The following GCA variants were observed in gnomAD, a reference collection of about 807,000 sequenced individuals.
GCA encodes grancalcin, EF-hand calcium-binding protein.
In GCA, 30 loss-of-function variants were observed where a neutral mutation model predicts 32.6. The ratio of observed to expected loss-of-function variants is 0.92; its 90% CI spans 0.69 to 1.25. The LOEUF (loss-of-function observed/expected upper bound fraction) is 1.25, where lower values mean the gene tolerates loss of function less well. GCA is among the 50% of genes most tolerant of loss of function. The pLI, the probability that GCA is intolerant of heterozygous loss-of-function variation, is 0.00. For synonymous variants in GCA, 102 were observed against 84.6 expected (o/e 1.21, Z -1.13); for missense variants, 291 against 266.8 (o/e 1.09, Z -0.63).
At chr2:162,329,995 G>T (rs1421547773) in intron 1 of GCA, among the ~76,000 whole-genome samples, 2 of 152,118 alleles carry the variant, frequency 1.3e-5, no homozygotes, top group African/African-American at 4.8e-5. Flanking sequence ...CCGTGCACAG[G>T]ATATGATCTC....
intron 1 of GCA, chr2:162,319,347 A>G (rs1683584762): frequency 2.5e-6 from 1 of 407,956 alleles, no homozygotes; most frequent in South Asian, 1.7e-5. Context: ...TGAACCACCA[A>G]CTCAGCTTAG....
intron 1 of GCA, 41 bp downstream of exon 1, chr2:162,344,316 G>A: frequency 6.2e-7 from 1 of 1,604,898 alleles, no homozygotes; most frequent in Non-Finnish European, 8.5e-7. Flanking sequence ...TTCCTCGCGG[G>A]GTGTGGCGCC....
At chr2:162,345,375 T>C (rs1684647300) in intron 1 of GCA, among the ~76,000 whole-genome samples, 1 of 152,206 alleles carries the variant, frequency 6.6e-6, no homozygotes, top group Admixed American at 6.5e-5. Context: ...CCTGTGGGTC[T>C]TTAAAAACGT....
rs767630618 is a variant in GCA at position 162,359,079 on chromosome 2, G to A, written c.490G>A (p.Val164Ile). ...RLSPQTLTTIVKRYSKNGRIF... is the reference protein window; with the variant it reads ...RLSPQTLTTIIKRYSKNGRIF... Reference sequence around the variant, plus strand: ...GAGTCCTCAAACATTAACTACTATTGTTAAACGTTATAGCAAGAATGGCAG... The same window carrying A: ...GAGTCCTCAAACATTAACTACTATTATTAAACGTTATAGCAAGAATGGCAG... The change falls in exon 6 of 8, where the codon GTT (valine) becomes ATT (isoleucine). Residue 164 changes from valine to isoleucine, a missense_variant. By Grantham distance (29) the Val-to-Ile change is conservative. Transcript: ENST00000437150. 1.9e-6 allele frequency: 3 copies of A among 1,600,614 alleles called. No individual in the cohort carries two copies. Among genetic ancestry groups the A allele is most frequent in the Non-Finnish European group, 2.6e-6 (3 of 1,169,700 alleles).
intron 1 of GCA, among the ~76,000 whole-genome samples, chr2:162,346,998 A>G (rs77933307): frequency 6.2e-4 from 95 of 152,332 alleles, no homozygotes; most frequent in Middle Eastern, 3.4e-3. Context: ...TCAGGATACT[A>G]CCAGAACCAC....
At chr2:162,367,451 G>C (rs143165243), downstream of GCA, among the ~76,000 whole-genome samples, 170 of 152,072 alleles carry the variant, frequency 1.1e-3, no homozygotes, top group African/African-American at 3.8e-3. Context: ...CAGTGAGCCA[G>C]CCTTTATAGA....
downstream of GCA, among the ~76,000 whole-genome samples, chr2:162,374,773 A>G (rs963993830): frequency 1.3e-5 from 2 of 152,094 alleles, no homozygotes; most frequent in Non-Finnish European, 2.9e-5. Flanking sequence ...TCACAATAAC[A>G]CATTATTCTT....
intron 1 of GCA, among the ~76,000 whole-genome samples, chr2:162,331,745 T>A (rs1239483491): frequency 1.3e-5 from 2 of 152,204 alleles, no homozygotes; most frequent in Admixed American, 1.3e-4. Context: ...TCAGGTATTT[T>A]GTTGTAGCAG....
At chr2:162,321,612 T>C (rs920583903) in intron 1 of GCA, among the ~76,000 whole-genome samples, 1 of 152,066 alleles carries the variant, frequency 6.6e-6, no homozygotes, top group Non-Finnish European at 1.5e-5. Context: ...GACTCTGAGT[T>C]CAGGCTGTCT....
At chr2:162,357,423 T>C (rs1420826606) in intron 5 of GCA, among the ~76,000 whole-genome samples, 1 of 151,860 alleles carries the variant, frequency 6.6e-6, no homozygotes, top group Non-Finnish European at 1.5e-5. Context: ...CTGATGTTCC[T>C]AGTGTACTTT....
chr2:162,351,553 G>A (rs1685002294), intron 2 of GCA, among the ~76,000 whole-genome samples: 1 of 152,150 alleles, frequency 6.6e-6, no homozygotes, highest in Non-Finnish European at 1.5e-5. Context: ...TAGAATGTGA[G>A]TGTTAATAAT....
intron 1 of GCA, among the ~76,000 whole-genome samples, chr2:162,345,862 TAAAGG>T (rs1405996141): frequency 6.6e-6 from 1 of 152,166 alleles, no homozygotes; most frequent in East Asian, 1.9e-4. Flanking sequence ...TAAATCCTGT[TAAAGG>T]AAACCCATGC....
intron 2 of GCA, among the ~76,000 whole-genome samples, chr2:162,352,061 T>G (rs1056047399): frequency 6.6e-6 from 1 of 152,182 alleles, no homozygotes; most frequent in Non-Finnish European, 1.5e-5. Context: ...TCTAACTGTT[T>G]AAAATAGAAG....
At chr2:162,321,611 T>C (rs1343491681) in intron 1 of GCA, among the ~76,000 whole-genome samples, 1 of 152,008 alleles carries the variant, frequency 6.6e-6, no homozygotes, top group Non-Finnish European at 1.5e-5. Context: ...AGACTCTGAG[T>C]TCAGGCTGTC....
At chr2:162,332,531 T>C (rs1684132805) in intron 1 of GCA, among the ~76,000 whole-genome samples, 1 of 151,890 alleles carries the variant, frequency 6.6e-6, no homozygotes, top group Admixed American at 6.6e-5. Context: ...AAGTAACAAG[T>C]GCAGGAAATC....
chr2:162,360,706 C>T lies in GCA; in HGVS notation c.*463C>T. 1 of 1,358,524 alleles carries T rather than the reference C, an allele frequency of 7.4e-7. No homozygotes were observed. The allele number at this position is 1,358,524 out of a possible 1,614,324, so 84.2% of individuals were successfully genotyped here. On this transcript the variant is annotated 3_prime_UTR_variant, in exon 8 of 8. Transcript: ENST00000437150. ...AGAAATGAAAGCCTGGATTTTGTGC[C>T]ATGTTTGTAATATAGTTTGTTCCTT...
In GCA at chr2:162,352,758, A is replaced by T. The variant is rs1214877577; in HGVS notation, c.262+351A>T. Among the ~76,000 whole-genome samples, 4 of 152,124 alleles carry T rather than the reference A, an allele frequency of 2.6e-5. No homozygotes were observed. In the East Asian group the frequency reaches 7.7e-4, roughly 29 times the overall value. ...AAGATGAGGATTTCACTTTATTTTA[A>T]CCTTAAACTCTCCCCTGTCTCTGCA... On this transcript the variant is annotated intron_variant, in intron 3 of 7. Transcript: ENST00000437150.
At chr2:162,369,682 T>C (rs1685863361) in intron 4 of GCA, among the ~76,000 whole-genome samples, 1 of 152,128 alleles carries the variant, frequency 6.6e-6, no homozygotes, top group South Asian at 2.1e-4. Flanking sequence ...CATTCTCTGG[T>C]GAATTCATTC....
At chr2:162,372,003 G>A (rs1442224064), downstream of GCA, 3 of 1,613,730 alleles carry the variant, frequency 1.9e-6, no homozygotes, top group South Asian at 1.1e-5. Flanking sequence ...GTGAAGTCAA[G>A]TTGTCTTCTG....
Sources: allele counts gnomAD v4.1 joint callset (sites outside exome capture counted in the v4.1 genomes callset), GRCh38; gene constraint gnomAD v4.1.1; transcripts MANE v1.5; gene names NCBI Gene and HGNC (gene_info 2026-07-23, HGNC 2026-07-21).